The following CENPO variants were observed in gnomAD, a reference collection of about 807,000 sequenced individuals.
CENPO encodes centromere protein O, also known as centromeric protein O.
Under a neutral mutation model 36.1 loss-of-function variants are expected in CENPO, and 30 were observed. The ratio of observed to expected loss-of-function variants is 0.83; its 90% CI spans 0.62 to 1.13. The LOEUF is 1.13. CENPO is among the 50% of genes most tolerant of loss of function. The pLI is 0.00. For synonymous variants in CENPO, 171 were observed against 142.3 expected (o/e 1.20, Z -1.44); for missense variants, 349 against 357.8 (o/e 0.98, Z 0.20).
rs1455651426 is a variant in CENPO, at chr2:24,820,020, G to A, written c.*702G>A. Reference sequence around the variant, plus strand: ...CTTATCCCGCCCCTTCAAGAAGAAGGTCAGCAGCTCCCCCTTCCCCTTCAC... The same window carrying A: ...CTTATCCCGCCCCTTCAAGAAGAAGATCAGCAGCTCCCCCTTCCCCTTCAC... On this transcript the variant is annotated 3_prime_UTR_variant, in exon 8 of 8. Transcript: ENST00000380834. 1.2e-6 allele frequency: 2 copies of A among 1,612,244 alleles called. No homozygotes were observed. Among genetic ancestry groups the A allele is most frequent in the South Asian group, 1.1e-5 (1 of 90,858 alleles).
chr2:24,820,269 C>A lies in CENPO; in HGVS notation c.*951C>A, dbSNP rs568804827. The stretch of plus-strand genomic sequence containing the variant: ...CCTCCCAGGGCCAAGCCCTTCCACC[C>A]GTGGCGAGCAGCGGGTGGGAAGGAG... On this transcript the variant is annotated 3_prime_UTR_variant, in exon 8 of 8. Transcript: ENST00000380834. 2 of 1,213,962 alleles carry A rather than the reference C, an allele frequency of 1.6e-6. No individual in the cohort carries two copies. The highest frequency in any genetic ancestry group is 1.6e-5 in the African/African-American group (1 of 64,002). 75.2% of individuals were successfully genotyped at this position (1,213,962 alleles called of 1,614,324 possible). A position where few individuals can be genotyped will look rare whatever the true frequency, so the allele number is the denominator to read the frequency against.
rs781133682 is a variant in CENPO, at chr2:24,819,974, G to A, written c.*656G>A. 4 of 1,613,774 alleles carry A rather than the reference G, an allele frequency of 2.5e-6. 1 individual carries two copies. Among genetic ancestry groups the A allele is most frequent in the South Asian group, 2.2e-5 (2 of 91,048 alleles). On this transcript the variant is annotated 3_prime_UTR_variant, in exon 8 of 8. Transcript: ENST00000380834. ...CCTGGTGGGGCAGTGTGACAGAGGGGCCATTGGGGAAGGTGGCTAGCTTAT... is the reference window on the plus strand; with the variant it reads ...CCTGGTGGGGCAGTGTGACAGAGGGACCATTGGGGAAGGTGGCTAGCTTAT...
At chr2:24,813,436 G>A (rs570079512) in intron 3 of CENPO, among the ~76,000 whole-genome samples, 1 of 152,082 alleles carries the variant, frequency 6.6e-6, no homozygotes, top group African/African-American at 2.4e-5. Flanking sequence ...GAAAGTTTGG[G>A]AGTGTGTTGG....
chr2:24,793,929 G>A lies in CENPO; in HGVS notation c.10G>A (p.Ala4Thr), dbSNP rs2148722673. Residue 4 changes from alanine to threonine, a missense_variant, in exon 2 of 8, where the codon GCG (alanine) becomes ACG (threonine). By Grantham distance (58) the Ala-to-Thr change is moderately conservative. Transcript: ENST00000380834. MEQ[A>T]NPLRPDGESK... ...CCCTTGGGAATCTGAGATGGAGCAGGCGAACCCTTTACGTCCAGATGGCGA... is the reference window on the plus strand; with the variant it reads ...CCCTTGGGAATCTGAGATGGAGCAGACGAACCCTTTACGTCCAGATGGCGA... The A allele has an allele frequency of 1.2e-6, 2 of 1,614,182 alleles. No individual in the cohort carries two copies. Among genetic ancestry groups the A allele is most frequent in the Middle Eastern group, 1.6e-4 (1 of 6,062 alleles).
In CENPO at chr2:24,798,112, ACCTC is replaced by A. The variant is rs1436840789; in HGVS notation, c.47-1562_47-1559del. Among the ~76,000 whole-genome samples the A allele has an allele frequency of 6.6e-5, 10 of 152,134 alleles. No individual in the cohort carries two copies. The East Asian group carries it at 1.9e-3, about 29-fold the overall frequency. On this transcript the variant is annotated intron_variant, in intron 2 of 7. Coordinates refer to ENST00000380834, the MANE Select transcript of CENPO (RefSeq NM_001322101.2). ...TACTCCCAATTCCGAAATCTGAAAC[ACCTC>A]TAGTCCCAAAACGTTCGGATACTCA...
At chr2:24,798,709 C>G (rs1033044189) in intron 2 of CENPO, among the ~76,000 whole-genome samples, 1 of 152,106 alleles carries the variant, frequency 6.6e-6, no homozygotes. Flanking sequence ...ATCCACCCGC[C>G]TCGGCCTCCC....
At chr2:24,808,722 ATC>A (rs1666542940) in intron 3 of CENPO, among the ~76,000 whole-genome samples, 1 of 152,170 alleles carries the variant, frequency 6.6e-6, no homozygotes, top group Non-Finnish European at 1.5e-5. Flanking sequence ...TTGATGTATC[ATC>A]TTTTTAATAT....
At chr2:24,807,442 T>G (rs1666470884) in intron 3 of CENPO, among the ~76,000 whole-genome samples, 1 of 152,224 alleles carries the variant, frequency 6.6e-6, no homozygotes, top group Non-Finnish European at 1.5e-5. Flanking sequence ...GACTGTGAGA[T>G]TCACCTACAC....
intron 3 of CENPO, among the ~76,000 whole-genome samples, chr2:24,809,125 T>G (rs1030629884): frequency 2.0e-5 from 3 of 152,212 alleles, no homozygotes; most frequent in Non-Finnish European, 4.4e-5. Flanking sequence ...CATTTAAAGT[T>G]TGAAATTTTT....
chr2:24,810,435 T>TA (rs1481524515), intron 3 of CENPO, among the ~76,000 whole-genome samples: 13 of 151,082 alleles, frequency 8.6e-5, no homozygotes, highest in East Asian at 5.8e-4. Flanking sequence ...AATTAAAAAT[T>TA]AAAAAAAAGT....
At chr2:24,806,742 C>T (rs1666424426) in intron 3 of CENPO, among the ~76,000 whole-genome samples, 1 of 152,152 alleles carries the variant, frequency 6.6e-6, no homozygotes, top group African/African-American at 2.4e-5. Context: ...AAGTGGCCTG[C>T]CTTGAGTTGT....
rs556832273 is a variant in CENPO at position 24,809,023 on chromosome 2, G to A, written c.217-5353G>A. On this transcript the variant is annotated intron_variant, in intron 3 of 7. Transcript: ENST00000380834. The stretch of plus-strand genomic sequence containing the variant: ...TTTTAATTTCCGATCCAATTTCTTT[G>A]ATCAGCATAAGCTGTTCAGATTTCC... Among the ~76,000 whole-genome samples, 3 of 151,886 alleles carry A rather than the reference G, an allele frequency of 2.0e-5. No homozygotes were observed. The South Asian group carries it at 6.2e-4, about 32-fold the overall frequency.
At position 24,820,259 on chromosome 2, in the gene CENPO, C is replaced by G; in HGVS notation, c.*941C>G. The G allele has an allele frequency of 8.3e-7, 1 of 1,200,988 alleles. No homozygotes were observed. Among genetic ancestry groups the G allele is most frequent in the Non-Finnish European group, 1.1e-6 (1 of 913,754 alleles). 74.4% of individuals were successfully genotyped at this position (1,200,988 alleles called of 1,614,324 possible). A position where few individuals can be genotyped will look rare whatever the true frequency, so the allele number is the denominator to read the frequency against. On this transcript the variant is annotated 3_prime_UTR_variant, in exon 8 of 8. Transcript: ENST00000380834. Reference sequence around the variant, plus strand: ...ACTCCCCAAACCTCCCAGGGCCAAGCCCTTCCACCCGTGGCGAGCAGCGGG... The same window carrying G: ...ACTCCCCAAACCTCCCAGGGCCAAGGCCTTCCACCCGTGGCGAGCAGCGGG...
rs377714251 is a variant in CENPO at position 24,820,206 on chromosome 2, G to T, written c.*888G>T. On this transcript the variant is annotated 3_prime_UTR_variant, in exon 8 of 8. Coordinates refer to ENST00000380834, the MANE Select transcript of CENPO (RefSeq NM_001322101.2). Reference sequence around the variant, plus strand: ...CTTTGGGTGGTTGGAGCCGAGCACTGATCCATGGGTCCCAAGCAGTACGGG... The same window carrying T: ...CTTTGGGTGGTTGGAGCCGAGCACTTATCCATGGGTCCCAAGCAGTACGGG... 3 of 1,263,100 alleles carry T rather than the reference G, an allele frequency of 2.4e-6. No homozygotes were observed. The highest frequency in any genetic ancestry group is 3.2e-6 in the Non-Finnish European group (3 of 930,858). 78.2% of individuals were successfully genotyped at this position (1,263,100 alleles called of 1,614,324 possible). A position where few individuals can be genotyped will look rare whatever the true frequency, so the allele number is the denominator to read the frequency against.
At chr2:24,806,414 T>C (rs540617223) in intron 3 of CENPO, among the ~76,000 whole-genome samples, 1 of 152,334 alleles carries the variant, frequency 6.6e-6, no homozygotes, top group East Asian at 1.9e-4. Flanking sequence ...TCTGCGTTGC[T>C]CACGCTGGGA....
In CENPO at chr2:24,799,985, G is replaced by A. The variant is rs1666090584; in HGVS notation, c.216+141G>A. 6.1e-6 allele frequency: 6 copies of A among 979,264 alleles called. No individual in the cohort carries two copies. The East Asian group carries it at 1.2e-4, about 20-fold the overall frequency. 60.7% of individuals were successfully genotyped at this position (979,264 alleles called of 1,614,324 possible). Reference sequence around the variant, plus strand: ...GATTGCAGTCCTTGATCCCTCAAATGATCAAACCTGTAGAGTTTGGCCAGG... The same window carrying A: ...GATTGCAGTCCTTGATCCCTCAAATAATCAAACCTGTAGAGTTTGGCCAGG... On this transcript the variant is annotated intron_variant, in intron 3 of 7. Transcript: ENST00000380834.
At position 24,819,944 on chromosome 2, in the gene CENPO, C is replaced by T. The variant is rs370907736; in HGVS notation, c.*626C>T. The T allele has an allele frequency of 9.3e-6, 15 of 1,613,750 alleles. No individual in the cohort carries two copies. The African/African-American group carries it at 1.2e-4, about 13-fold the overall frequency. Reference sequence around the variant, plus strand: ...GGCTCGAGGCCATTCAGGAGTTGTCCACCACCTGGTGGGGCAGTGTGACAG... The same window carrying T: ...GGCTCGAGGCCATTCAGGAGTTGTCTACCACCTGGTGGGGCAGTGTGACAG... On this transcript the variant is annotated 3_prime_UTR_variant, in exon 8 of 8. Transcript: ENST00000380834.
At chr2:24,797,365 C>T (rs1290269180) in intron 2 of CENPO, among the ~76,000 whole-genome samples, 1 of 152,146 alleles carries the variant, frequency 6.6e-6, no homozygotes, top group African/African-American at 2.4e-5. Flanking sequence ...CAAGTAGATA[C>T]ACTGAGAAGG....
chr2:24,816,616 C>T, intron 5 of CENPO, 30 bp from the exon 6 acceptor site: 1 of 1,537,784 alleles, frequency 6.5e-7, no homozygotes, highest in African/African-American at 1.4e-5. Context: ...CAGTCATCCT[C>T]TACTTCGTTT....
Sources: allele counts gnomAD v4.1 joint callset (sites outside exome capture counted in the v4.1 genomes callset), GRCh38; gene constraint gnomAD v4.1.1; transcripts MANE v1.5; gene names NCBI Gene and HGNC (gene_info 2026-07-23, HGNC 2026-07-21).